NUP210L: variants seen among roughly 807,000 people sequenced by gnomAD.
NUP210L encodes the protein nucleoporin 210 like, also known as nuclear pore membrane glycoprotein 210-like.
Under a neutral mutation model 208.5 loss-of-function variants are expected in NUP210L, and 74 were observed. The ratio of observed to expected loss-of-function variants is 0.35; its 90% confidence interval spans 0.29 to 0.43. The LOEUF (loss-of-function observed/expected upper bound fraction) is 0.43. NUP210L is among the 20% of genes least tolerant of loss of function. The probability of loss-of-function intolerance (pLI) is 1.00; values close to 1 mark genes in which losing one functional copy is unlikely to be tolerated. For synonymous variants in NUP210L, 780 were observed against 816.9 expected (o/e 0.95, Z 0.77); for missense variants, 1,843 against 2,289.4 (o/e 0.81, Z 3.98).
intron 16 of NUP210L, among the ~76,000 whole-genome samples, chr1:154,074,999 T>A (rs1437790833): frequency 6.6e-6 from 1 of 152,026 alleles, no homozygotes; most frequent in East Asian, 1.9e-4. Flanking sequence ...AGAGTAGGGG[T>A]CCCTTCAAGC....
chr1:154,067,768 T>C (rs1051506470), intron 17 of NUP210L, among the ~76,000 whole-genome samples: 40 of 152,162 alleles, frequency 2.6e-4, no homozygotes, highest in African/African-American at 9.7e-4. Context: ...AAAATCAATG[T>C]GCAAAAATCA....
intron 35 of NUP210L, among the ~76,000 whole-genome samples, chr1:154,005,163 T>G (rs190571496): frequency 3.9e-5 from 6 of 152,030 alleles, no homozygotes; most frequent in Admixed American, 3.9e-4. Context: ...CTCTTTTCTT[T>G]TTCTTATCCA....
chr1:154,025,334 T>TTTC (rs148066483), intron 30 of NUP210L, among the ~76,000 whole-genome samples: 2 of 146,928 alleles, frequency 1.4e-5, no homozygotes. Context: ...TCCCAGAGAG[T>TTTC]TTCTTCTTCT....
In NUP210L at chr1:154,139,960, CATAAA is replaced by C; in HGVS notation, c.567-13_567-9del. On this transcript the variant is annotated splice_polypyrimidine_tract_variant and intron_variant, in intron 4 of 39. Coordinates refer to ENST00000368559, the Ensembl canonical transcript of NUP210L. ...TCGGAGTATTTAAGAATCCTAAAGA[CATAAA>C]ATAAAATGTGTTTCTAGCAGAATTA... The C allele has an allele frequency of 6.3e-7, 1 of 1,597,350 alleles. No individual in the cohort carries two copies. The highest frequency in any genetic ancestry group is 8.5e-7 in the Non-Finnish European group (1 of 1,169,968).
chr1:154,120,489 A>C (rs1462851587), intron 10 of NUP210L, among the ~76,000 whole-genome samples: 1 of 151,960 alleles, frequency 6.6e-6, no homozygotes, highest in Admixed American at 6.6e-5. Context: ...GGGTTGGGGG[A>C]GGGGGGAAGG....
intron 16 of NUP210L, among the ~76,000 whole-genome samples, chr1:154,076,104 T>TC (rs1491362031): frequency 6.7e-5 from 5 of 74,864 alleles, no homozygotes; most frequent in East Asian, 4.0e-4. Flanking sequence ...AAAGACTTCT[T>TC]TTTTTTTTTT....
At chr1:153,993,067 C>A in exon 39 of NUP210L, 1 of 1,613,344 alleles carries the variant, frequency 6.2e-7, no homozygotes, top group Non-Finnish European at 8.5e-7. Flanking sequence ...CTGTTTGTAT[C>A]TTGTTTAGGA....
At position 154,036,687 on chromosome 1, in the gene NUP210L, A is replaced by T. The variant is rs568982312; in HGVS notation, c.3697-6633T>A. 2.7e-5 allele frequency among the ~76,000 whole-genome samples: 4 copies of T among 150,390 alleles called. No individual in the cohort carries two copies. The East Asian group carries it at 7.9e-4, about 30-fold the overall frequency. ...GCCAGAACATACATATTTTTAAGAG[A>T]CAGGGTCTCGCTTTGTTGCTCAGGC... On this transcript the variant is annotated intron_variant, in intron 27 of 39. Coordinates refer to ENST00000368559, the Ensembl canonical transcript of NUP210L.
chr1:154,008,191 T>C (rs1650682994), intron 35 of NUP210L, among the ~76,000 whole-genome samples: 1 of 152,014 alleles, frequency 6.6e-6, no homozygotes, highest in Admixed American at 6.6e-5. Flanking sequence ...TTTTCATCAA[T>C]AAATTGAAGT....
In NUP210L at chr1:154,075,877, C is replaced by A. The variant is rs567418061; in HGVS notation, c.2362-5412G>T. Among the ~76,000 whole-genome samples, 269 of 151,858 alleles carry A rather than the reference C, an allele frequency of 1.8e-3. 1 individual carries two copies. Among genetic ancestry groups the A allele is most frequent in the African/African-American group, 6.0e-3 (250 of 41,406 alleles). ...CAATCATAGCTCACTGCATCCTCTG[C>A]CTCCTGGACTCAAGCAATCCTCCCA... On this transcript the variant is annotated intron_variant, in intron 16 of 39. Transcript: ENST00000368559.
At chr1:154,005,974 A>C (rs553682212) in intron 35 of NUP210L, among the ~76,000 whole-genome samples, 6 of 151,422 alleles carry the variant, frequency 4.0e-5, no homozygotes, top group Non-Finnish European at 8.8e-5. Flanking sequence ...TGCCCACCTC[A>C]GTCTCCCAAA....
At chr1:154,125,633 G>T (rs540693017) in intron 10 of NUP210L, among the ~76,000 whole-genome samples, 1 of 1,068 alleles carries the variant, frequency 9.4e-4, no homozygotes, top group African/African-American at 1.8e-3. Flanking sequence ...AAGGAAGGAA[G>T]GAAGGAAGGA....
chr1:154,078,023 T>C (rs4845593), intron 16 of NUP210L, among the ~76,000 whole-genome samples: 22,837 of 150,856 alleles, frequency 0.15, 2,929 homozygotes, highest in African/African-American at 0.34. Context: ...GTAATAATTA[T>C]AGGCTGTGTG....
rs181407542 is a variant in NUP210L at position 154,074,525 on chromosome 1, G to A, written c.2362-4060C>T. Among the ~76,000 whole-genome samples the A allele has an allele frequency of 1.6e-4, 21 of 134,588 alleles. No individual in the cohort carries two copies. The East Asian group carries it at 4.2e-3, about 27-fold the overall frequency. The allele number at this position is 134,588 out of a possible 152,430, so 88.3% of individuals were successfully genotyped here. ...TTTTTTTGAGACGGAGTCTCACTCT[G>A]TCACCAAGGATGGAGTGCAGTGGCA... is the stretch of plus-strand genomic sequence containing the variant. On this transcript the variant is annotated intron_variant, in intron 16 of 39. Coordinates refer to ENST00000368559, the Ensembl canonical transcript of NUP210L.
intron 10 of NUP210L, among the ~76,000 whole-genome samples, chr1:154,122,080 A>G (rs889859827): frequency 1.2e-4 from 18 of 152,164 alleles, no homozygotes; most frequent in African/African-American, 4.3e-4. Flanking sequence ...ATAAATGACC[A>G]ATATCAGGAA....
chr1:154,036,887 T>G (rs1652587714), intron 27 of NUP210L, among the ~76,000 whole-genome samples: 1 of 152,024 alleles, frequency 6.6e-6, no homozygotes, highest in Non-Finnish European at 1.5e-5. Context: ...CTCAGCCTCC[T>G]GAGTAGCTTG....
intron 25 of NUP210L, among the ~76,000 whole-genome samples, chr1:154,050,300 T>A (rs1054375171): frequency 6.6e-6 from 1 of 152,182 alleles, no homozygotes; most frequent in African/African-American, 2.4e-5. Flanking sequence ...CCATGAGTAA[T>A]CTATTTTCTA....
chr1:154,138,342 T>A (rs1433131582), intron 5 of NUP210L, 104 bp from the exon 6 acceptor site: 3 of 1,044,910 alleles, frequency 2.9e-6, no homozygotes, highest in Non-Finnish European at 2.7e-6. Flanking sequence ...TCTTTTAAAA[T>A]TTTTTATAAA....
At chr1:154,098,665 T>C (rs1018611560) in intron 14 of NUP210L, among the ~76,000 whole-genome samples, 1 of 152,030 alleles carries the variant, frequency 6.6e-6, no homozygotes, top group African/African-American at 2.4e-5. Context: ...TTTATGGGCA[T>C]CAGAGGGGAG....
Sources: allele counts gnomAD v4.1 joint callset (sites outside exome capture counted in the v4.1 genomes callset), GRCh38; gene constraint gnomAD v4.1.1; transcripts MANE v1.5; gene names NCBI Gene and HGNC (gene_info 2026-07-23, HGNC 2026-07-21).